The following PCLO variants were observed in gnomAD, a reference collection of about 807,000 sequenced individuals.
The protein encoded by PCLO is piccolo presynaptic cytomatrix protein.
PCLO carries 82 observed loss-of-function variants against 427.5 expected under a neutral mutation model. The ratio of observed to expected loss-of-function variants is 0.19; its 90% confidence interval spans 0.16 to 0.23. PCLO has a LOEUF of 0.23. Ranked by LOEUF, PCLO falls within the 10% of genes least tolerant of loss-of-function variation. PCLO has a pLI of 1.00. For synonymous variants in PCLO, 2,357 were observed against 2,155.4 expected (o/e 1.09, Z -2.59); for missense variants, 6,239 against 6,115.9 (o/e 1.02, Z -0.67).
intron 3 of PCLO, among the ~76,000 whole-genome samples, chr7:83,078,704 C>T (rs757014464): frequency 5.9e-5 from 9 of 151,770 alleles, no homozygotes; most frequent in Non-Finnish European, 1.0e-4. Flanking sequence ...GCTAATTTTT[C>T]GTATTTTAGT....
intron 3 of PCLO, among the ~76,000 whole-genome samples, chr7:83,093,841 ATTTGTT>A (rs892716747): frequency 1.2e-4 from 14 of 112,600 alleles, no homozygotes; most frequent in East Asian, 4.1e-4. Context: ...TTGTTTACTG[ATTTGTT>A]TTTTTTTTTT....
At position 82,755,733 on chromosome 7, in the gene PCLO, A is replaced by G. The variant is rs898660207; in HGVS notation, c.*2842T>C. On this transcript the variant is annotated 3_prime_UTR_variant, in exon 25 of 25. Transcript: ENST00000333891. ...TGTACTGTGATATGTACAAAAAAGT[A>G]AAAAACACCAAGAGCCCTATTTGCA... The G allele has an allele frequency of 6.6e-6, 1 of 152,170 alleles. No homozygotes were observed. Among genetic ancestry groups the G allele is most frequent in the Non-Finnish European group, 1.5e-5 (1 of 68,024 alleles). The allele number at this position is 152,170 out of a possible 1,614,324, so 9.4% of individuals were successfully genotyped here. A position where few individuals can be genotyped will look rare whatever the true frequency, so the allele number is the denominator to read the frequency against.
intron 22 of PCLO, among the ~76,000 whole-genome samples, chr7:82,769,109 G>A (rs1790592545): frequency 1.3e-5 from 2 of 152,128 alleles, no homozygotes; most frequent in Admixed American, 1.3e-4. Context: ...CTGTGAATAA[G>A]ATTGCGAAAA....
chr7:82,966,443 T>C lies in PCLO; in HGVS notation c.3345A>G (p.Ile1115Met). The C allele has an allele frequency of 6.3e-7, 1 of 1,597,962 alleles. No homozygotes were observed. The highest frequency in any genetic ancestry group is 1.1e-5 in the South Asian group (1 of 87,200). ...LCLNCQTQRA[I>M]SGQLGDIRKM... is the part of the protein sequence containing the mutation. ...TGCGTATGTCTCCAAGCTGTCCTGA[T>C]ATTGCTCTCTGGGTTTGGCAATTTA... Residue 1115 changes from isoleucine to methionine, a missense_variant, in exon 4 of 25, where the codon ATA (isoleucine) becomes ATG (methionine). Transcript: ENST00000333891.
chr7:82,793,683 C>T (rs989100619), intron 22 of PCLO, among the ~76,000 whole-genome samples: 1 of 152,144 alleles, frequency 6.6e-6, no homozygotes, highest in Non-Finnish European at 1.5e-5. Flanking sequence ...TTGATCTCCA[C>T]ATTTGATATT....
chr7:83,054,876 C>G (rs1789340066), intron 3 of PCLO, among the ~76,000 whole-genome samples: 1 of 152,010 alleles, frequency 6.6e-6, no homozygotes, highest in African/African-American at 2.4e-5. Context: ...TTTAAATATT[C>G]CAACCATGGC....
chr7:83,042,198 G>A (rs1788989132), intron 3 of PCLO, among the ~76,000 whole-genome samples: 1 of 152,002 alleles, frequency 6.6e-6, no homozygotes, highest in African/African-American at 2.4e-5. Context: ...TACATATAAA[G>A]AAGGAATACT....
intron 6 of PCLO, among the ~76,000 whole-genome samples, chr7:82,918,967 T>C (rs181346831): frequency 4.6e-5 from 7 of 152,078 alleles, no homozygotes; most frequent in African/African-American, 1.7e-4. Context: ...TTCAAGTCTC[T>C]AAGATGCCCA....
chr7:83,041,661 G>C (rs1788976270), intron 3 of PCLO, among the ~76,000 whole-genome samples: 1 of 152,094 alleles, frequency 6.6e-6, no homozygotes, highest in Admixed American at 6.5e-5. Flanking sequence ...TAGAAGCACA[G>C]AGCATAAAAG....
rs1795778665 is a variant in PCLO, at chr7:82,966,503, T to A, written c.3301-16A>T. 1 of 1,455,112 alleles carries A rather than the reference T, an allele frequency of 6.9e-7. No individual in the cohort carries two copies. Among genetic ancestry groups the A allele is most frequent in the African/African-American group, 1.4e-5 (1 of 70,092 alleles). 90.1% of individuals were successfully genotyped at this position (1,455,112 alleles called of 1,614,324 possible). ...ATTCTTGAATCTGTGGGAAAAAAAT[T>A]ACAATGAACAGATTGAATGTATTAT... On this transcript the variant is annotated splice_polypyrimidine_tract_variant and intron_variant, in intron 3 of 24. Coordinates refer to ENST00000333891, the MANE Select transcript of PCLO (RefSeq NM_033026.6).
intron 10 of PCLO, among the ~76,000 whole-genome samples, chr7:82,868,817 G>A (rs757570207): frequency 6.6e-6 from 1 of 152,102 alleles, no homozygotes; most frequent in Non-Finnish European, 1.5e-5. Context: ...TAGCTCCAAA[G>A]AGTTTTACAA....
chr7:82,861,698 G>A (rs961229623), intron 10 of PCLO, among the ~76,000 whole-genome samples: 11 of 152,038 alleles, frequency 7.2e-5, no homozygotes, highest in African/African-American at 2.4e-4. Flanking sequence ...CTCAGCACAT[G>A]GATCATTCTC....
At chr7:82,839,865 C>T (rs1792323248) in intron 14 of PCLO, among the ~76,000 whole-genome samples, 1 of 151,922 alleles carries the variant, frequency 6.6e-6, no homozygotes, top group African/African-American at 2.4e-5. Context: ...TGGTTGTCTA[C>T]ATAAGATTTC....
chr7:82,918,164 T>C (rs529476770), intron 6 of PCLO, among the ~76,000 whole-genome samples: 1 of 151,962 alleles, frequency 6.6e-6, no homozygotes, highest in Admixed American at 6.6e-5. Flanking sequence ...CGGTAGTTTG[T>C]TTTTCCTCAT....
chr7:82,779,074 A>G (rs937273903), intron 22 of PCLO, among the ~76,000 whole-genome samples: 1 of 152,132 alleles, frequency 6.6e-6, no homozygotes. Flanking sequence ...TTTATGACAT[A>G]CTGTATTCAC....
At chr7:83,120,196 G>A (rs903126627) in intron 3 of PCLO, among the ~76,000 whole-genome samples, 2 of 151,840 alleles carry the variant, frequency 1.3e-5, no homozygotes, top group African/African-American at 4.8e-5. Context: ...GAAGTCAGGA[G>A]TTCGAGACCA....
chr7:82,856,728 G>A (rs1037103887), intron 10 of PCLO, among the ~76,000 whole-genome samples: 2 of 152,098 alleles, frequency 1.3e-5, no homozygotes, highest in African/African-American at 4.8e-5. Flanking sequence ...TGCTCAGAAT[G>A]GATGTTTTTT....
intron 9 of PCLO, among the ~76,000 whole-genome samples, chr7:82,900,290 C>T (rs539602248): frequency 1.3e-5 from 2 of 151,678 alleles, no homozygotes; most frequent in African/African-American, 4.8e-5. Flanking sequence ...CTGCAAGGAA[C>T]AATAGCAATT....
In PCLO at chr7:83,096,990, ATATATATTATATAAATAATATATAT is replaced by A. The variant is rs1285118302; in HGVS notation, c.3300+37235_3300+37259del. Among the ~76,000 whole-genome samples, 6 of 25,594 alleles carry A rather than the reference ATATATATTATATAAATAATATATAT, an allele frequency of 2.3e-4. 1 individual carries two copies. The highest frequency in any genetic ancestry group is 1.8e-3 in the African/African-American group (6 of 3,320). 16.8% of individuals were successfully genotyped at this position (25,594 alleles called of 152,430 possible). A position where few individuals can be genotyped will look rare whatever the true frequency, so the allele number is the denominator to read the frequency against. On this transcript the variant is annotated intron_variant, in intron 3 of 24. Coordinates refer to ENST00000333891, the MANE Select transcript of PCLO (RefSeq NM_033026.6). Reference sequence around the variant, plus strand: ...TAATATATTATATATTATATAAATAATATATATTATATAAATAATATATATTATATATTATATAAATATATATTAT... The same window carrying A: ...TAATATATTATATATTATATAAATAATATATATTATATAAATATATATTAT...
Sources: gnomAD v4.1 joint callset for allele counts (sites outside exome capture counted in the v4.1 genomes callset) on GRCh38, gnomAD v4.1.1 for gene constraint, MANE v1.5 for transcripts, NCBI Gene and HGNC (gene_info 2026-07-23, HGNC 2026-07-21) for gene names.